Variants in EHBP1 observed in about 807,000 individuals in gnomAD.
EHBP1 encodes the protein EH domain binding protein 1.
In EHBP1, 55 loss-of-function variants were observed where a neutral mutation model predicts 144.0. That is an observed-to-expected ratio of 0.38 (90% CI 0.31 to 0.48). The LOEUF (loss-of-function observed/expected upper bound fraction) is 0.48. EHBP1 is among the 20% of genes least tolerant of loss of function. The pLI, the probability that EHBP1 is intolerant of heterozygous loss-of-function variation, is 0.98. For missense variants in EHBP1, 1,200 were observed against 1,364.2 expected, an observed-to-expected ratio of 0.88 and a Z score of 1.90; for synonymous variants, 469 against 472.7, an observed-to-expected ratio of 0.99 and a Z score of 0.10.
upstream of EHBP1, among the ~76,000 whole-genome samples, chr2:62,704,699 A>G (rs970442938): frequency 1.4e-4 from 22 of 152,004 alleles, no homozygotes; most frequent in African/African-American, 5.3e-4. Flanking sequence ...CTGAAGTTTC[A>G]TTCTTTGTCC....
intron 5 of EHBP1, among the ~76,000 whole-genome samples, chr2:62,774,036 G>A (rs1325035239): frequency 6.6e-6 from 1 of 151,806 alleles, no homozygotes; most frequent in Admixed American, 6.6e-5. Flanking sequence ...ACTTGCATAA[G>A]CCAATCTCAT....
At chr2:62,789,440 C>T (rs1012578315) in intron 5 of EHBP1, among the ~76,000 whole-genome samples, 16 of 152,124 alleles carry the variant, frequency 1.1e-4, no homozygotes, top group African/African-American at 3.9e-4. Flanking sequence ...CTATGTAACA[C>T]TTCTCCACCC....
chr2:62,790,255 A>G (rs972295081), intron 5 of EHBP1, among the ~76,000 whole-genome samples: 1 of 152,206 alleles, frequency 6.6e-6, no homozygotes, highest in Non-Finnish European at 1.5e-5. Flanking sequence ...AAACGTCAAA[A>G]TACAGTTCTG....
intron 12 of EHBP1, among the ~76,000 whole-genome samples, chr2:62,945,690 C>T (rs2057021263): frequency 6.6e-6 from 1 of 152,120 alleles, no homozygotes; most frequent in African/African-American, 2.4e-5. Context: ...CCCGAGGCTG[C>T]AGTGAGCTAG....
chr2:62,728,209 G>T (rs946468239), intron 2 of EHBP1, among the ~76,000 whole-genome samples: 3 of 150,168 alleles, frequency 2.0e-5, no homozygotes, highest in African/African-American at 7.4e-5. Context: ...AAAAGGCATG[G>T]TTTAAACATT....
chr2:62,970,281 A>G (rs887400998), intron 14 of EHBP1, among the ~76,000 whole-genome samples: 3 of 152,130 alleles, frequency 2.0e-5, no homozygotes, highest in African/African-American at 7.2e-5. Context: ...AAAAATTTAG[A>G]TAGGTTAAAA....
At chr2:63,038,668 T>C in intron 20 of EHBP1, 75 bp from the exon 21 acceptor site, 1 of 1,363,166 alleles carries the variant, frequency 7.3e-7, no homozygotes, top group South Asian at 1.2e-5. Context: ...CTAAAATCAA[T>C]GTAACCTAAA....
At chr2:62,893,106 G>A (rs1014760626) in intron 10 of EHBP1, among the ~76,000 whole-genome samples, 1 of 152,040 alleles carries the variant, frequency 6.6e-6, no homozygotes, top group Non-Finnish European at 1.5e-5. Context: ...TCTGAAGGAG[G>A]CATCCAAGTA....
chr2:62,752,884 C>A (rs917604010), intron 3 of EHBP1, among the ~76,000 whole-genome samples: 1 of 152,058 alleles, frequency 6.6e-6, no homozygotes, highest in African/African-American at 2.4e-5. Context: ...TTATTTTGAG[C>A]CTATGTGTGT....
intron 2 of EHBP1, 64 bp from the exon 3 acceptor site, chr2:62,747,331 G>A (rs2039253265): frequency 1.3e-6 from 2 of 1,489,786 alleles, no homozygotes; most frequent in African/African-American, 2.8e-5. Context: ...CCCTTTTAAA[G>A]GCGCTAAAAT....
rs559993406 is a variant in EHBP1, at chr2:62,931,908, G to A, written c.1186-10810G>A. On this transcript the variant is annotated intron_variant, in intron 10 of 22. Transcript: ENST00000431489. ...TTAGAACATATTCCCATCAGGTGCA[G>A]TGGTTCACACCTGTAATCCTAGCAC... Among the ~76,000 whole-genome samples, 6 of 152,288 alleles carry A rather than the reference G, an allele frequency of 3.9e-5. No individual in the cohort carries two copies. The South Asian group carries it at 1.0e-3, about 26-fold the overall frequency.
At chr2:62,930,913 C>G (rs949088286) in intron 10 of EHBP1, among the ~76,000 whole-genome samples, 4 of 152,056 alleles carry the variant, frequency 2.6e-5, no homozygotes, top group Non-Finnish European at 5.9e-5. Context: ...GGGCTAAGAC[C>G]ATAAATCTCT....
intron 10 of EHBP1, among the ~76,000 whole-genome samples, chr2:62,936,750 A>G (rs1307524904): frequency 1.3e-5 from 2 of 152,204 alleles, no homozygotes; most frequent in Non-Finnish European, 2.9e-5. Flanking sequence ...CAGTTTTACC[A>G]TGAGAATAAA....
intron 14 of EHBP1, among the ~76,000 whole-genome samples, chr2:62,960,268 C>G (rs2057935182): frequency 6.6e-6 from 1 of 152,004 alleles, no homozygotes; most frequent in South Asian, 2.1e-4. Flanking sequence ...TCATTTCTTA[C>G]CTCTCTCATT....
intron 3 of EHBP1, among the ~76,000 whole-genome samples, chr2:62,760,159 T>C (rs2040651851): frequency 6.6e-6 from 1 of 152,160 alleles, no homozygotes; most frequent in South Asian, 2.1e-4. Flanking sequence ...TGAAAAAAAA[T>C]CTGCATGTAA....
At chr2:62,896,822 A>C (rs2052978075) in intron 10 of EHBP1, among the ~76,000 whole-genome samples, 1 of 152,080 alleles carries the variant, frequency 6.6e-6, no homozygotes, top group South Asian at 2.1e-4. Context: ...AGGCTTTTCT[A>C]TCTCTGTCCT....
At chr2:62,771,278 T>G in intron 4 of EHBP1, 61 bp from the exon 5 acceptor site, 1 of 1,266,376 alleles carries the variant, frequency 7.9e-7, no homozygotes, top group Non-Finnish European at 1.1e-6. Context: ...TTTTCTTAAT[T>G]GGGTTTATTG....
At chr2:62,881,418 G>GAAAAA (rs371288881) in intron 10 of EHBP1, among the ~76,000 whole-genome samples, 21 of 69,750 alleles carry the variant, frequency 3.0e-4, no homozygotes, top group South Asian at 5.5e-4. Context: ...AGGAAAAACG[G>GAAAAA]AAAAAAAAAA....
intron 19 of EHBP1, among the ~76,000 whole-genome samples, chr2:63,014,952 G>A (rs772961385): frequency 7.2e-5 from 11 of 151,990 alleles, no homozygotes; most frequent in East Asian, 1.9e-4. Context: ...CACTCCAACC[G>A]GGGCAACAAG....
Sources: gnomAD v4.1 joint callset for allele counts (sites outside exome capture counted in the v4.1 genomes callset) on GRCh38, gnomAD v4.1.1 for gene constraint, MANE v1.5 for transcripts, NCBI Gene and HGNC (gene_info 2026-07-23, HGNC 2026-07-21) for gene names.